The following TIAM1 variants were observed in gnomAD, a reference collection of about 807,000 sequenced individuals.
The protein encoded by TIAM1 is rho guanine nucleotide exchange factor TIAM1.
Under a neutral mutation model 163.5 loss-of-function variants are expected in TIAM1, and 65 were observed. That is an observed-to-expected ratio of 0.40 (90% CI 0.33 to 0.49). The LOEUF is 0.49. TIAM1 is among the 20% of genes least tolerant of loss of function. The pLI, the probability that TIAM1 is intolerant of heterozygous loss-of-function variation, is 0.77. For synonymous variants in TIAM1, 833 were observed against 810.1 expected (o/e 1.03, Z -0.48); for missense variants, 1,789 against 2,044.7 (o/e 0.87, Z 2.41).
chr21:31,405,469 C>A (rs2077231182), intron 2 of TIAM1, among the ~76,000 whole-genome samples: 1 of 152,126 alleles, frequency 6.6e-6, no homozygotes, highest in Non-Finnish European at 1.5e-5. Flanking sequence ...CCCACTTCCC[C>A]TGTATTAGTC....
intron 16 of TIAM1, among the ~76,000 whole-genome samples, chr21:31,155,424 A>G (rs2083569224): frequency 6.6e-6 from 1 of 152,234 alleles, no homozygotes; most frequent in South Asian, 2.1e-4. Context: ...TAATTGCTCT[A>G]GAGGCTATGT....
At chr21:31,310,552 A>G (rs957480486) in intron 2 of TIAM1, among the ~76,000 whole-genome samples, 2 of 152,166 alleles carry the variant, frequency 1.3e-5, no homozygotes, top group East Asian at 3.8e-4. Flanking sequence ...AACCACTCCA[A>G]TAAAGTCTGG....
chr21:31,230,603 C>T (rs978001108), intron 6 of TIAM1, among the ~76,000 whole-genome samples: 4 of 152,174 alleles, frequency 2.6e-5, no homozygotes, highest in African/African-American at 4.8e-5. Flanking sequence ...CAGCTCACTG[C>T]CACCTCCGCC....
chr21:31,541,702 T>C (rs977243364), intron 1 of TIAM1, among the ~76,000 whole-genome samples: 3 of 152,116 alleles, frequency 2.0e-5, no homozygotes, highest in African/African-American at 7.2e-5. Flanking sequence ...GTTACAATTA[T>C]ATAAAAAGTA....
intron 6 of TIAM1, among the ~76,000 whole-genome samples, chr21:31,228,220 TA>T (rs71191197): frequency 0.011 from 175 of 16,240 alleles, 12 homozygotes; most frequent in East Asian, 0.045. Flanking sequence ...CTCCTTTTTT[TA>T]AAAAAAAAAA....
chr21:31,219,094 C>G (rs1301574584), intron 8 of TIAM1, among the ~76,000 whole-genome samples: 1 of 131,098 alleles, frequency 7.6e-6, no homozygotes, highest in Non-Finnish European at 1.5e-5. Context: ...TCCAGTGGAG[C>G]GATTCCAGAG....
At chr21:31,414,514 A>G (rs1384665993) in intron 2 of TIAM1, among the ~76,000 whole-genome samples, 1 of 152,102 alleles carries the variant, frequency 6.6e-6, no homozygotes, top group South Asian at 2.1e-4. Context: ...GCCCCTTTCT[A>G]TGTGTCCAGT....
chr21:31,429,421 G>A (rs2147274938), intron 2 of TIAM1, among the ~76,000 whole-genome samples: 1 of 151,924 alleles, frequency 6.6e-6, no homozygotes, highest in East Asian at 1.9e-4. Context: ...AATGATCCAA[G>A]ATTTAGAAAA....
chr21:31,155,288 T>C (rs1166517507), intron 16 of TIAM1, among the ~76,000 whole-genome samples: 2 of 152,238 alleles, frequency 1.3e-5, no homozygotes, highest in Non-Finnish European at 2.9e-5. Context: ...TTTTCCAACT[T>C]GGCTGCTTAT....
intron 2 of TIAM1, among the ~76,000 whole-genome samples, chr21:31,376,315 C>G (rs896251257): frequency 6.6e-6 from 1 of 152,140 alleles, no homozygotes; most frequent in Admixed American, 6.5e-5. Flanking sequence ...TCACCAAGAA[C>G]ATGATTCTCC....
chr21:31,147,121 G>A (rs1026591977), intron 19 of TIAM1, 118 bp from the exon 20 acceptor site: 9 of 751,106 alleles, frequency 1.2e-5, no homozygotes, highest in Non-Finnish European at 2.1e-5. Flanking sequence ...CATCTTCCGT[G>A]CCTGTCAGAG....
chr21:31,296,300 A>T (rs1022739448), intron 2 of TIAM1, among the ~76,000 whole-genome samples: 1 of 152,176 alleles, frequency 6.6e-6, no homozygotes, highest in Non-Finnish European at 1.5e-5. Context: ...TCCAAAAAAA[A>T]ATATGCACAC....
chr21:31,441,904 A>G (rs1369681140), intron 2 of TIAM1, among the ~76,000 whole-genome samples: 3 of 148,020 alleles, frequency 2.0e-5, no homozygotes, highest in Non-Finnish European at 3.0e-5. Flanking sequence ...AAAAATACAA[A>G]AATTAGCCAG....
chr21:31,522,170 C>T (rs376990487), intron 1 of TIAM1, among the ~76,000 whole-genome samples: 15 of 151,608 alleles, frequency 9.9e-5, no homozygotes, highest in East Asian at 5.9e-4. Flanking sequence ...CACGCCCGGC[C>T]GGCTCTTAAT....
chr21:31,413,166 G>T (rs2043258713), intron 2 of TIAM1, among the ~76,000 whole-genome samples: 1 of 151,994 alleles, frequency 6.6e-6, no homozygotes, highest in South Asian at 2.1e-4. Context: ...TCCTGGATGG[G>T]AAGATCTCCC....
intron 13 of TIAM1, among the ~76,000 whole-genome samples, chr21:31,194,817 C>T (rs899220443): frequency 6.6e-6 from 1 of 152,312 alleles, no homozygotes; most frequent in Non-Finnish European, 1.5e-5. Context: ...GTTTCCTTGT[C>T]GCCAACTTAC....
intron 2 of TIAM1, among the ~76,000 whole-genome samples, chr21:31,444,550 TC>T (rs574479615): frequency 8.6e-5 from 13 of 151,828 alleles, no homozygotes; most frequent in Non-Finnish European, 1.8e-4. Context: ...ATACTTACAT[TC>T]CCCATAAGGC....
chr21:31,317,860 A>G (rs2075181424), intron 2 of TIAM1, among the ~76,000 whole-genome samples: 1 of 152,222 alleles, frequency 6.6e-6, no homozygotes, highest in South Asian at 2.1e-4. Context: ...TTTTAGGACA[A>G]AAGTACATGT....
intron 2 of TIAM1, among the ~76,000 whole-genome samples, chr21:31,326,554 G>A (rs995739027): frequency 6.6e-6 from 1 of 152,136 alleles, no homozygotes; most frequent in Non-Finnish European, 1.5e-5. Context: ...CCCATGAACT[G>A]GAAAGAAAGA....
Sources: gnomAD v4.1 joint callset for allele counts (sites outside exome capture counted in the v4.1 genomes callset) on GRCh38, gnomAD v4.1.1 for gene constraint, MANE v1.5 for transcripts, NCBI Gene and HGNC (gene_info 2026-07-23, HGNC 2026-07-21) for gene names.